Variants in FAM178B observed in about 807,000 individuals in gnomAD.
FAM178B encodes family with sequence similarity 178 member B, also known as protein FAM178B.
A neutral mutation model predicts 91.7 loss-of-function variants in FAM178B; 82 were observed. That is an observed-to-expected ratio of 0.89 (90% CI 0.75 to 1.07). The LOEUF (loss-of-function observed/expected upper bound fraction) is 1.07. Among genes scored for constraint, FAM178B ranks in the 50% least tolerant of loss-of-function variants. The pLI, the probability that FAM178B is intolerant of heterozygous loss-of-function variation, is 0.00. For synonymous variants in FAM178B, 368 were observed against 359.4 expected (o/e 1.02, Z -0.27); for missense variants, 769 against 846.7 (o/e 0.91, Z 1.14).
At chr2:96,922,582 G>A (rs1266743737) in intron 10 of FAM178B, among the ~76,000 whole-genome samples, 3 of 152,088 alleles carry the variant, frequency 2.0e-5, no homozygotes, top group Non-Finnish European at 4.4e-5. Context: ...ACTCCTAACT[G>A]CAGGTGATTC....
At chr2:96,976,076 A>G (rs1190311796) in intron 1 of FAM178B, among the ~76,000 whole-genome samples, 4 of 151,966 alleles carry the variant, frequency 2.6e-5, no homozygotes. Flanking sequence ...CATATGGTAT[A>G]TGATAGGCCA....
At chr2:96,937,068 T>C (rs1265070177) in intron 8 of FAM178B, among the ~76,000 whole-genome samples, 1 of 109,636 alleles carries the variant, frequency 9.1e-6, no homozygotes, top group Non-Finnish European at 1.7e-5. Context: ...GTTGTTGTTG[T>C]TGTTTTAGTA....
chr2:96,957,345 C>T (rs1326458650), intron 6 of FAM178B, among the ~76,000 whole-genome samples: 1 of 152,218 alleles, frequency 6.6e-6, no homozygotes, highest in Non-Finnish European at 1.5e-5. Flanking sequence ...GGCCTCGCCA[C>T]TGCCCGGCAG....
Position 96,972,696 on chromosome 2 carries a change from C to A in FAM178B, c.74-90G>T, listed in dbSNP as rs375787452. ...TGATTCCCACAGAGGAGGGCCTGGG[C>A]CCACTGTGCCCAAGAGGGTCCGCCC... On this transcript the variant is annotated intron_variant, in intron 1 of 16. Transcript: ENST00000490605. The A allele has an allele frequency of 2.2e-5, 27 of 1,238,674 alleles. No individual in the cohort carries two copies. In the African/African-American group the frequency reaches 4.0e-4, roughly 18 times the overall value. The allele number at this position is 1,238,674 out of a possible 1,614,324, so 76.7% of individuals were successfully genotyped here. A position where few individuals can be genotyped will look rare whatever the true frequency, so the allele number is the denominator to read the frequency against.
chr2:96,936,409 G>C (rs111689541), intron 8 of FAM178B, among the ~76,000 whole-genome samples: 4,637 of 151,454 alleles, frequency 0.031, 256 homozygotes, highest in African/African-American at 0.11. Context: ...CACCATATTA[G>C]CCAGGATGGT....
At chr2:96,948,336 T>C (rs1184605776) in intron 7 of FAM178B, among the ~76,000 whole-genome samples, 1 of 152,148 alleles carries the variant, frequency 6.6e-6, no homozygotes, top group African/African-American at 2.4e-5. Context: ...CTCTCTGTGA[T>C]CCTCAAATCA....
chr2:96,986,376 G>A lies in FAM178B; in HGVS notation c.-63C>T. 6.6e-7 allele frequency: 1 copy of A among 1,509,362 alleles called. No homozygotes were observed. The highest frequency in any genetic ancestry group is 8.8e-7 in the Non-Finnish European group (1 of 1,134,310). The allele number at this position is 1,509,362 out of a possible 1,614,324, so 93.5% of individuals were successfully genotyped here. On this transcript the variant is annotated 5_prime_UTR_variant, in exon 1 of 17. Coordinates refer to ENST00000490605, the MANE Select transcript of FAM178B (RefSeq NM_001122646.3). ...GGCGGGAATTCGCACGGCCTCAGAG[G>A]ACGGGGCCAGCTAGCCGGGAAAGGA...
intron 13 of FAM178B, among the ~76,000 whole-genome samples, chr2:96,899,933 C>T (rs1378943434): frequency 6.8e-6 from 1 of 147,650 alleles, no homozygotes; most frequent in African/African-American, 2.5e-5. Flanking sequence ...GATTATAGCT[C>T]GCTGTAGCCT....
chr2:96,979,601 A>G (rs2082335783), intron 1 of FAM178B, among the ~76,000 whole-genome samples: 1 of 152,192 alleles, frequency 6.6e-6, no homozygotes, highest in Non-Finnish European at 1.5e-5. Flanking sequence ...ATATGAGTGC[A>G]AGTGTCGTTT....
intron 14 of FAM178B, among the ~76,000 whole-genome samples, chr2:96,891,843 A>G (rs2080690009): frequency 6.6e-6 from 1 of 152,192 alleles, no homozygotes. Flanking sequence ...GGGGATGGGT[A>G]GGCGTCAAAA....
chr2:96,908,549 C>G (rs1216428994), intron 12 of FAM178B, among the ~76,000 whole-genome samples: 1 of 152,040 alleles, frequency 6.6e-6, no homozygotes, highest in Non-Finnish European at 1.5e-5. Context: ...AACCAACCAA[C>G]CAACAAAACA....
intron 5 of FAM178B, among the ~76,000 whole-genome samples, chr2:96,964,620 C>T (rs1300114152): frequency 2.0e-5 from 2 of 101,398 alleles, no homozygotes; most frequent in African/African-American, 4.4e-5. Flanking sequence ...CATTGGCCTA[C>T]AGACGTGCTG....
intron 13 of FAM178B, among the ~76,000 whole-genome samples, chr2:96,899,989 C>G (rs1424153999): frequency 6.6e-6 from 1 of 151,836 alleles, no homozygotes; most frequent in Non-Finnish European, 1.5e-5. Flanking sequence ...ATGACACTTC[C>G]CCTCTGCCAC....
chr2:96,986,060 C>T (rs1184083446), intron 1 of FAM178B, among the ~76,000 whole-genome samples, 181 bp downstream of exon 1: 2 of 152,206 alleles, frequency 1.3e-5, no homozygotes, highest in South Asian at 2.1e-4. Flanking sequence ...GAGGAGGGCC[C>T]GGCTCACGTC....
chr2:96,932,583 A>G (rs1259028047), intron 8 of FAM178B, among the ~76,000 whole-genome samples: 2 of 152,208 alleles, frequency 1.3e-5, no homozygotes, highest in Non-Finnish European at 2.9e-5. Context: ...CAGTTCCTCC[A>G]GACACAGAAC....
At chr2:96,945,909 G>A (rs898104097) in intron 8 of FAM178B, among the ~76,000 whole-genome samples, 4 of 151,990 alleles carry the variant, frequency 2.6e-5, no homozygotes, top group Non-Finnish European at 5.9e-5. Flanking sequence ...GTACATTCAC[G>A]CTGTAGTACA....
intron 12 of FAM178B, among the ~76,000 whole-genome samples, chr2:96,915,411 C>T (rs1213414353): frequency 6.6e-6 from 1 of 151,754 alleles, no homozygotes; most frequent in East Asian, 1.9e-4. Flanking sequence ...AGCCACCGCA[C>T]CCAGCCAACA....
intron 1 of FAM178B, among the ~76,000 whole-genome samples, chr2:96,978,974 CTTTT>C (rs559416706): frequency 5.3e-5 from 3 of 56,772 alleles, no homozygotes; most frequent in Admixed American, 1.7e-4. Flanking sequence ...GTATGTATCA[CTTTT>C]TTTTTTTTTT....
chr2:96,923,912 T>G (rs1437904723), intron 9 of FAM178B, among the ~76,000 whole-genome samples: 1 of 152,214 alleles, frequency 6.6e-6, no homozygotes, highest in Non-Finnish European at 1.5e-5. Context: ...ACAGAGTTTC[T>G]CCACATGGCC....
Sources: allele counts gnomAD v4.1 joint callset (sites outside exome capture counted in the v4.1 genomes callset), GRCh38; gene constraint gnomAD v4.1.1; transcripts MANE v1.5; gene names NCBI Gene and HGNC (gene_info 2026-07-23, HGNC 2026-07-21).